Variants in TMPRSS3 observed in about 807,000 individuals in gnomAD.
The protein encoded by TMPRSS3 is transmembrane protease serine 3.
In TMPRSS3, 55 loss-of-function variants were observed where a neutral mutation model predicts 59.6. The observed-to-expected ratio is 0.92, with a 90% CI of 0.74 to 1.16. TMPRSS3 has a LOEUF of 1.16. TMPRSS3 is among the 50% of genes most tolerant of loss of function. The pLI, the probability that TMPRSS3 is intolerant of heterozygous loss-of-function variation, is 0.00. For missense variants in TMPRSS3, 596 were observed against 579.4 expected (o/e 1.03, Z -0.29); for synonymous variants, 257 against 237.7 (o/e 1.08, Z -0.75).
At chr21:42,385,839 T>G (rs1180200286) in intron 5 of TMPRSS3, among the ~76,000 whole-genome samples, 2 of 152,174 alleles carry the variant, frequency 1.3e-5, no homozygotes, top group African/African-American at 4.8e-5. Context: ...GTTGAGTCAC[T>G]CTTTGCGCAT....
chr21:42,383,917 G>A, intron 7 of TMPRSS3, 53 bp downstream of exon 7: 1 of 1,590,266 alleles, frequency 6.3e-7, no homozygotes, highest in South Asian at 1.1e-5. Context: ...CAAGGAGATA[G>A]GACTTAGCAT....
Position 42,388,945 on chromosome 21 carries a change from C to T in TMPRSS3, c.306G>A (p.Glu102=). The T allele has an allele frequency of 6.2e-7, 1 of 1,614,094 alleles. No homozygotes were observed. The highest frequency in any genetic ancestry group is 8.5e-7 in the Non-Finnish European group (1 of 1,179,942). ...CDGVSDCKDG[E]DEYRCVRVGG... Reference sequence around the variant, plus strand: ...TGACCTTACCACAGCGGTACTCGTCCTCCCCGTCTTTGCAATCCGAGACTC... The same window carrying T: ...TGACCTTACCACAGCGGTACTCGTCTTCCCCGTCTTTGCAATCCGAGACTC... Residue 102 remains glutamate, a synonymous_variant, in exon 4 of 13, where the codon GAG becomes GAA. Coordinates refer to ENST00000644384, the MANE Select transcript of TMPRSS3 (RefSeq NM_001256317.3). The surrounding 1 kb of genome is among the most constrained non-coding windows in gnomAD (Gnocchi z 5.1).
At position 42,388,977 on chromosome 21, in the gene TMPRSS3, A is replaced by G. The variant is rs2052685276; in HGVS notation, c.274T>C (p.Cys92Arg). Residue 92 changes from cysteine (C) to arginine (R), a missense_variant, in exon 4 of 13, where the codon TGT becomes CGT. Physicochemically the swap from Cys to Arg is radical, Grantham distance 180. Transcript: ENST00000644384. The surrounding 1 kb of genome is among the most constrained non-coding windows in gnomAD (Gnocchi z 5.1). ...TCTTTGCAATCCGAGACTCCGTCAC[A>G]TCGAGCTATCAGCTCGATACACTTA... ...SFKCIELIAR[C>R]DGVSDCKDGE... The G allele has an allele frequency of 3.7e-6, 6 of 1,614,128 alleles. No individual in the cohort carries two copies. Among genetic ancestry groups the G allele is most frequent in the African/African-American group, 1.3e-5 (1 of 74,944 alleles).
intron 9 of TMPRSS3, 142 bp downstream of exon 9, chr21:42,381,923 C>G: frequency 9.2e-7 from 1 of 1,088,236 alleles, no homozygotes; most frequent in Non-Finnish European, 1.4e-6. Context: ...CTGATGCCAA[C>G]ACCAACATGA....
At chr21:42,389,192 T>A (rs983793508) in intron 3 of TMPRSS3, 147 bp from the exon 4 acceptor site, 3 of 1,500,656 alleles carry the variant, frequency 2.0e-6, no homozygotes, top group Non-Finnish European at 2.7e-6. Context: ...GCCTGTTTCC[T>A]GCAGCCCAGT....
intron 12 of TMPRSS3, among the ~76,000 whole-genome samples, chr21:42,374,067 G>A (rs188347710): frequency 1.8e-4 from 27 of 152,260 alleles, no homozygotes; most frequent in African/African-American, 6.5e-4. Context: ...TTTGCCCTCT[G>A]TGCCCACGCG....
At chr21:42,386,081 C>G (rs1601527959) in intron 5 of TMPRSS3, among the ~76,000 whole-genome samples, 1 of 152,184 alleles carries the variant, frequency 6.6e-6, no homozygotes, top group African/African-American at 2.4e-5. Context: ...GAGCCCAGCT[C>G]ATTTTTACAG....
intron 10 of TMPRSS3, among the ~76,000 whole-genome samples, chr21:42,378,388 G>A (rs2052464779): frequency 6.6e-6 from 1 of 152,242 alleles, no homozygotes; most frequent in Non-Finnish European, 1.5e-5. Flanking sequence ...CCACTATGGA[G>A]CCCAACCTTA....
intron 11 of TMPRSS3, 127 bp from the exon 12 acceptor site, chr21:42,375,995 G>A (rs1028182756): frequency 8.1e-6 from 10 of 1,235,800 alleles, no homozygotes; most frequent in Non-Finnish European, 1.0e-5. Context: ...ATGTCCCAAT[G>A]GATGACCCAG....
At chr21:42,377,440 C>T (rs1403364635) in intron 10 of TMPRSS3, among the ~76,000 whole-genome samples, 1 of 152,230 alleles carries the variant, frequency 6.6e-6, no homozygotes, top group African/African-American at 2.4e-5. Context: ...TCCCCAAGGG[C>T]CTCCAGGAGG....
chr21:42,384,689 C>T (rs892924225), intron 6 of TMPRSS3, among the ~76,000 whole-genome samples: 5 of 152,208 alleles, frequency 3.3e-5, no homozygotes, highest in African/African-American at 1.2e-4. Flanking sequence ...GCAGGTGGGT[C>T]CCGGGGTGCT....
rs2052674716 is a variant in TMPRSS3, at chr21:42,388,531, C to T, written c.323-5G>A. 6.2e-7 allele frequency: 1 copy of T among 1,614,054 alleles called. No individual in the cohort carries two copies. Among genetic ancestry groups the T allele is most frequent in the African/African-American group, 1.3e-5 (1 of 74,916 alleles). On this transcript the variant is annotated splice_region_variant and splice_polypyrimidine_tract_variant and intron_variant, in intron 4 of 12. Transcript: ENST00000644384. The surrounding 1 kb of genome is among the most constrained non-coding windows in gnomAD (Gnocchi z 5.1). ...CATTCTGACCACCCACCCGGACTGG[C>T]CGATGTGCAGAAAGAAAGGCTTATT...
In TMPRSS3 at chr21:42,372,749, G is replaced by T. The variant is rs1481920027; in HGVS notation, c.*13C>A. ...ACCTCAGGAACTCAGGTGGCTACTT[G>T]TCCCCTTCCTCTTCAGGTTTTTAGG... On this transcript the variant is annotated 3_prime_UTR_variant, in exon 13 of 13. Coordinates refer to ENST00000644384, the MANE Select transcript of TMPRSS3 (RefSeq NM_001256317.3). 1.9e-6 allele frequency: 3 copies of T among 1,613,938 alleles called. No homozygotes were observed. In the African/African-American group the frequency reaches 4.0e-5, roughly 22 times the overall value.
chr21:42,390,708 A>G (rs1322091716), intron 2 of TMPRSS3, among the ~76,000 whole-genome samples: 1 of 152,212 alleles, frequency 6.6e-6, no homozygotes, highest in Non-Finnish European at 1.5e-5. Context: ...AGCCTGGGCA[A>G]CAAGAGCAAA....
chr21:42,382,154 TC>T lies in TMPRSS3; in HGVS notation c.862del (p.Glu288ArgfsTer21). The part of the protein sequence containing the change: ...LDNPAPSHLV[E>X]KIVYHSKYKP... ...GTACTTGCTGTGGTAGACAATCTTC[TC>T]CACCAAGTGGGATGGGGCTGGATTG... On this transcript the variant is annotated frameshift_variant, in exon 9 of 13. Transcript: ENST00000644384. LOFTEE classifies it high-confidence loss of function. 1 of 1,614,140 alleles carries T rather than the reference TC, an allele frequency of 6.2e-7. No individual in the cohort carries two copies. Among genetic ancestry groups the T allele is most frequent in the South Asian group, 1.1e-5 (1 of 91,076 alleles).
chr21:42,380,391 C>T (rs1445530460), intron 9 of TMPRSS3, among the ~76,000 whole-genome samples, 179 bp from the exon 10 acceptor site: 1 of 152,170 alleles, frequency 6.6e-6, no homozygotes, highest in Non-Finnish European at 1.5e-5. Context: ...ATCCACCACA[C>T]CCAGAGCACT....
intron 10 of TMPRSS3, 43 bp from the exon 11 acceptor site, chr21:42,376,726 C>T (rs375580956): frequency 2.7e-5 from 44 of 1,613,110 alleles, no homozygotes; most frequent in East Asian, 2.2e-4. Context: ...GAAGGAAGCC[C>T]GGCCCAAAAC....
At chr21:42,373,390 G>A (rs2052366589) in intron 12 of TMPRSS3, among the ~76,000 whole-genome samples, 1 of 152,216 alleles carries the variant, frequency 6.6e-6, no homozygotes. Context: ...GATGACTAAG[G>A]CGTTGTGCAG....
intron 8 of TMPRSS3, 177 bp downstream of exon 8, chr21:42,382,856 C>T (rs1601523193): frequency 4.0e-6 from 3 of 745,800 alleles, no homozygotes; most frequent in Non-Finnish European, 4.6e-6. Context: ...ACAAGTTACC[C>T]CCAGCTGATG....
Sources: allele counts gnomAD v4.1 joint callset (sites outside exome capture counted in the v4.1 genomes callset), GRCh38; gene constraint gnomAD v4.1.1; non-coding constraint Gnocchi (gnomAD v3.1); transcripts MANE v1.5; gene names NCBI Gene and HGNC (gene_info 2026-07-23, HGNC 2026-07-21).